FHIT: variants seen among roughly 807,000 people sequenced by gnomAD.
FHIT encodes fragile histidine triad diadenosine triphosphatase, also known as bis(5'-adenosyl)-triphosphatase.
A neutral mutation model predicts 17.9 loss-of-function variants in FHIT; 19 were observed. The observed-to-expected ratio is 1.06, with a 90% CI of 0.74 to 1.56. The LOEUF is 1.56. Among genes scored for constraint, FHIT ranks in the 40% most tolerant of loss-of-function variants. The pLI is 0.00. For synonymous variants in FHIT, 81 were observed against 69.7 expected (o/e 1.16, Z -0.81); for missense variants, 248 against 189.2 (o/e 1.31, Z -1.82).
At chr3:59,933,620 G>T (rs1489307652) in intron 7 of FHIT, among the ~76,000 whole-genome samples, 16 of 152,110 alleles carry the variant, frequency 1.1e-4, no homozygotes, top group Admixed American at 1.0e-3. Flanking sequence ...TCCTTCCTGA[G>T]TAAATAACTA....
intron 5 of FHIT, among the ~76,000 whole-genome samples, chr3:60,383,054 T>A (rs1451345094): frequency 3.3e-5 from 5 of 152,190 alleles, no homozygotes; most frequent in Non-Finnish European, 1.5e-5. Flanking sequence ...GTAGGCAGAT[T>A]AGCCATTATC....
chr3:60,214,021 A>G (rs1015866900), intron 5 of FHIT, among the ~76,000 whole-genome samples: 1 of 152,170 alleles, frequency 6.6e-6, no homozygotes, highest in Admixed American at 6.5e-5. Flanking sequence ...GGTGTCATGC[A>G]GAATAATCTC....
intron 5 of FHIT, among the ~76,000 whole-genome samples, chr3:60,317,967 T>G (rs1184296306): frequency 2.0e-5 from 3 of 151,970 alleles, no homozygotes; most frequent in African/African-American, 7.3e-5. Context: ...ATTTTTATAT[T>G]TTTTGGTAGA....
intron 3 of FHIT, among the ~76,000 whole-genome samples, chr3:60,905,154 T>C (rs1706339909): frequency 6.6e-6 from 1 of 152,170 alleles, no homozygotes; most frequent in Non-Finnish European, 1.5e-5. Flanking sequence ...GGGTGTGGTG[T>C]ACACAGGAAC....
At chr3:60,017,936 C>G (rs368191272) in intron 5 of FHIT, among the ~76,000 whole-genome samples, 1 of 152,210 alleles carries the variant, frequency 6.6e-6, no homozygotes, top group South Asian at 2.1e-4. Context: ...GGCTTTCCCC[C>G]ACTTTCCATC....
chr3:60,104,070 T>C (rs1704303616), intron 5 of FHIT, among the ~76,000 whole-genome samples: 1 of 152,104 alleles, frequency 6.6e-6, no homozygotes, highest in East Asian at 1.9e-4. Flanking sequence ...TTGAGAAGAG[T>C]GAGGAAGGTA....
intron 8 of FHIT, among the ~76,000 whole-genome samples, chr3:59,848,717 T>C (rs1357102498): frequency 6.6e-6 from 1 of 152,238 alleles, no homozygotes; most frequent in Non-Finnish European, 1.5e-5. Flanking sequence ...GCCATTCAAC[T>C]TGCTGGCACT....
At chr3:60,959,669 G>A (rs1278746468) in intron 3 of FHIT, among the ~76,000 whole-genome samples, 1 of 152,076 alleles carries the variant, frequency 6.6e-6, no homozygotes, top group Non-Finnish European at 1.5e-5. Flanking sequence ...ACTTCCATGG[G>A]GCTGAGGGAA....
intron 3 of FHIT, among the ~76,000 whole-genome samples, chr3:60,936,540 G>A (rs1264373084): frequency 6.6e-6 from 1 of 152,178 alleles, no homozygotes; most frequent in African/African-American, 2.4e-5. Context: ...TATGAGCCAT[G>A]TTATAGAACT....
At chr3:60,636,225 C>T (rs2039581289) in intron 4 of FHIT, among the ~76,000 whole-genome samples, 1 of 152,232 alleles carries the variant, frequency 6.6e-6, no homozygotes, top group East Asian at 1.9e-4. Flanking sequence ...CATGCACCAC[C>T]ACGCCTAGCT....
intron 5 of FHIT, among the ~76,000 whole-genome samples, chr3:60,336,657 T>C (rs573927635): frequency 6.6e-6 from 1 of 152,140 alleles, no homozygotes; most frequent in African/African-American, 2.4e-5. Flanking sequence ...GAAATTCAGG[T>C]CCTCATTGTC....
intron 5 of FHIT, among the ~76,000 whole-genome samples, chr3:60,445,621 A>G (rs2031277834): frequency 1.3e-5 from 2 of 152,206 alleles, no homozygotes; most frequent in South Asian, 2.1e-4. Flanking sequence ...TGCTCATTCA[A>G]CATTCCCAGG....
chr3:59,832,034 A>G (rs1432449158), intron 8 of FHIT, among the ~76,000 whole-genome samples: 1 of 152,052 alleles, frequency 6.6e-6, no homozygotes, highest in Non-Finnish European at 1.5e-5. Context: ...ACCTGAGTAA[A>G]TTAACCCATT....
intron 5 of FHIT, among the ~76,000 whole-genome samples, chr3:60,127,149 A>T (rs929330463): frequency 6.6e-6 from 1 of 152,134 alleles, no homozygotes; most frequent in Non-Finnish European, 1.5e-5. Flanking sequence ...ACAAGTGGCC[A>T]TCCTCTCTGA....
chr3:61,008,492 T>A (rs1424306589), intron 3 of FHIT, among the ~76,000 whole-genome samples: 2 of 151,066 alleles, frequency 1.3e-5, no homozygotes, highest in South Asian at 2.1e-4. Flanking sequence ...AAAAAAAAAA[T>A]GACAAGCGAA....
intron 5 of FHIT, among the ~76,000 whole-genome samples, chr3:60,306,603 C>A (rs947472063): frequency 1.3e-5 from 2 of 152,146 alleles, no homozygotes; most frequent in African/African-American, 2.4e-5. Context: ...TCAGGAACAA[C>A]TGTTCAACCC....
At chr3:60,329,424 C>G (rs1709855726) in intron 5 of FHIT, among the ~76,000 whole-genome samples, 1 of 152,112 alleles carries the variant, frequency 6.6e-6, no homozygotes, top group Non-Finnish European at 1.5e-5. Flanking sequence ...TACCAGTGGA[C>G]AGAAAAGCAA....
intron 5 of FHIT, among the ~76,000 whole-genome samples, chr3:60,130,174 C>T (rs1210005625): frequency 6.6e-6 from 1 of 152,156 alleles, no homozygotes; most frequent in Non-Finnish European, 1.5e-5. Context: ...GAAAGGTCCC[C>T]ATGTCTGGGA....
rs1329142063 is a variant in FHIT at position 61,228,379 on chromosome 3, G to A, written c.-213+22922C>T. On this transcript the variant is annotated intron_variant, in intron 1 of 9. Transcript: ENST00000492590. Reference sequence around the variant, plus strand: ...TATTAAACTAGCTCTTATTTTCCTCGTCACCTCTCCACCCAGTTAAATATC... The same window carrying A: ...TATTAAACTAGCTCTTATTTTCCTCATCACCTCTCCACCCAGTTAAATATC... Among the ~76,000 whole-genome samples, 7 of 152,164 alleles carry A rather than the reference G, an allele frequency of 4.6e-5. No homozygotes were observed. In the South Asian group the frequency reaches 1.2e-3, roughly 27 times the overall value.
Sources: allele counts gnomAD v4.1 joint callset (sites outside exome capture counted in the v4.1 genomes callset), GRCh38; gene constraint gnomAD v4.1.1; transcripts MANE v1.5; gene names NCBI Gene and HGNC (gene_info 2026-07-23, HGNC 2026-07-21).